KAZN: variants seen among roughly 807,000 people sequenced by gnomAD.
KAZN encodes the protein kazrin, periplakin interacting protein.
In KAZN, 40 loss-of-function variants were observed where a neutral mutation model predicts 87.4. The observed-to-expected ratio is 0.46, with a 90% confidence interval of 0.36 to 0.60. The LOEUF (loss-of-function observed/expected upper bound fraction) is 0.60. Ranked by LOEUF, KAZN falls within the 20% of genes least tolerant of loss-of-function variation. The pLI, the probability that KAZN is intolerant of heterozygous loss-of-function variation, is 0.00. For missense variants in KAZN, 898 were observed against 1,073.9 expected, an observed-to-expected ratio of 0.84 and a Z score of 2.29; for synonymous variants, 466 against 458.3, an observed-to-expected ratio of 1.02 and a Z score of -0.22.
At chr1:14,902,993 G>A (rs1164854730) in intron 1 of KAZN, among the ~76,000 whole-genome samples, 1 of 150,984 alleles carries the variant, frequency 6.6e-6, no homozygotes, top group Non-Finnish European at 1.5e-5. Flanking sequence ...TCAGCCTCCT[G>A]AAGTAGCTGG....
At chr1:14,628,071 T>C (rs1172225085) in intron 1 of KAZN, among the ~76,000 whole-genome samples, 1 of 152,164 alleles carries the variant, frequency 6.6e-6, no homozygotes, top group Non-Finnish European at 1.5e-5. Context: ...GCAAACAAAA[T>C]CAGTGTGTTC....
intron 1 of KAZN, among the ~76,000 whole-genome samples, chr1:14,147,946 G>T (rs1032967265): frequency 1.3e-5 from 2 of 152,142 alleles, no homozygotes; most frequent in African/African-American, 4.8e-5. Context: ...GGCACCAGGT[G>T]TGGTGGCTTA....
At chr1:13,897,269 A>C (rs768255767) in intron 1 of KAZN, among the ~76,000 whole-genome samples, 14 of 152,246 alleles carry the variant, frequency 9.2e-5, no homozygotes, top group Non-Finnish European at 2.1e-4. Flanking sequence ...GGCTCCTTGC[A>C]GAAAAAACAA....
chr1:13,935,442 C>T (rs972888267), intron 1 of KAZN, among the ~76,000 whole-genome samples: 7 of 152,172 alleles, frequency 4.6e-5, no homozygotes, highest in Admixed American at 1.3e-4. Context: ...AATCTGGCAA[C>T]AGAGCCTGTG....
chr1:14,440,438 A>G (rs2101445246), intron 2 of KAZN, among the ~76,000 whole-genome samples: 1 of 152,230 alleles, frequency 6.6e-6, no homozygotes, highest in Non-Finnish European at 1.5e-5. Context: ...GAACTACCAT[A>G]TTGGATTGTC....
At chr1:14,335,010 C>T (rs1010161020) in intron 2 of KAZN, among the ~76,000 whole-genome samples, 1 of 152,000 alleles carries the variant, frequency 6.6e-6, no homozygotes, top group African/African-American at 2.4e-5. Context: ...GTGTTTGTCC[C>T]TCTGAGTCTC....
chr1:14,960,959 G>A (rs1663786502), intron 2 of KAZN, 84 bp downstream of exon 2: 23 of 1,401,658 alleles, frequency 1.6e-5, no homozygotes, highest in South Asian at 2.9e-5. Context: ...GGGAAGTGAC[G>A]CAGATGGACA....
intron 1 of KAZN, among the ~76,000 whole-genome samples, chr1:14,713,797 A>AAAAAAAGAAAGAAAG (rs1553215138): frequency 9.4e-5 from 9 of 95,678 alleles, no homozygotes; most frequent in African/African-American, 2.5e-4. Flanking sequence ...AAAAAAAAAA[A>AAAAAAAGAAAGAAAG]AAAGAAAGAA....
At chr1:13,963,025 G>T (rs1419741198) in intron 1 of KAZN, among the ~76,000 whole-genome samples, 1 of 152,194 alleles carries the variant, frequency 6.6e-6, no homozygotes, top group Non-Finnish European at 1.5e-5. Flanking sequence ...GGGCCAGTTT[G>T]TAGGGACTTG....
intron 1 of KAZN, among the ~76,000 whole-genome samples, chr1:14,074,198 A>C (rs948614141): frequency 6.6e-6 from 1 of 152,174 alleles, no homozygotes; most frequent in Non-Finnish European, 1.5e-5. Context: ...ATGCACCTGG[A>C]AAGCCAGGTT....
intron 1 of KAZN, among the ~76,000 whole-genome samples, chr1:14,073,572 C>A (rs893766853): frequency 2.0e-5 from 3 of 152,028 alleles, no homozygotes; most frequent in Admixed American, 2.0e-4. Context: ...CCAAACAGGC[C>A]CTGGTGTGTG....
intron 2 of KAZN, among the ~76,000 whole-genome samples, chr1:14,452,516 C>T (rs776402135): frequency 6.6e-6 from 1 of 152,170 alleles, no homozygotes; most frequent in African/African-American, 2.4e-5. Flanking sequence ...TCACAATATA[C>T]CTTGAGGGTT....
intron 2 of KAZN, among the ~76,000 whole-genome samples, chr1:14,515,372 T>C (rs1279878551): frequency 1.3e-5 from 2 of 152,212 alleles, no homozygotes; most frequent in Non-Finnish European, 2.9e-5. Context: ...GAATGCCTGA[T>C]ACTTGCGAGG....
At chr1:13,954,283 ATG>A (rs1238558689) in intron 1 of KAZN, among the ~76,000 whole-genome samples, 1 of 152,228 alleles carries the variant, frequency 6.6e-6, no homozygotes, top group Non-Finnish European at 1.5e-5. Flanking sequence ...AAACCGCATC[ATG>A]TGTCTGCATT....
intron 2 of KAZN, among the ~76,000 whole-genome samples, chr1:14,511,725 G>T (rs74059555): frequency 0.073 from 11,138 of 152,148 alleles, 811 homozygotes; most frequent in African/African-American, 0.19. Flanking sequence ...GTTATTATAT[G>T]TGTATCAAAT....
At chr1:14,287,396 A>T (rs1250978749) in intron 2 of KAZN, among the ~76,000 whole-genome samples, 1 of 152,134 alleles carries the variant, frequency 6.6e-6, no homozygotes, top group Non-Finnish European at 1.5e-5. Flanking sequence ...GGTCCTTCAC[A>T]TCCCTTGTAA....
chr1:14,960,976 T>C, intron 2 of KAZN, 101 bp downstream of exon 2: 1 of 1,268,680 alleles, frequency 7.9e-7, no homozygotes, highest in African/African-American at 1.5e-5. Context: ...GACACAGGGG[T>C]CTCCCAGCAC....
chr1:14,160,736 A>G (rs545543196), intron 1 of KAZN, among the ~76,000 whole-genome samples: 31 of 152,274 alleles, frequency 2.0e-4, no homozygotes, highest in African/African-American at 7.0e-4. Flanking sequence ...TTGGGGGTTC[A>G]CTAAAAGCCT....
chr1:14,631,664 G>A (rs190874817), intron 1 of KAZN, among the ~76,000 whole-genome samples: 4 of 152,236 alleles, frequency 2.6e-5, no homozygotes, highest in African/African-American at 7.2e-5. Context: ...GCAGCTTCTC[G>A]CATCACACTG....
Sources: gnomAD v4.1 joint callset for allele counts (sites outside exome capture counted in the v4.1 genomes callset) on GRCh38, gnomAD v4.1.1 for gene constraint, MANE v1.5 for transcripts, NCBI Gene and HGNC (gene_info 2026-07-23, HGNC 2026-07-21) for gene names.